Variants in ROCK2 observed in about 807,000 individuals in gnomAD.
ROCK2 encodes Rho associated coiled-coil containing protein kinase 2.
ROCK2 carries 61 observed loss-of-function variants against 195.1 expected under a neutral mutation model. The observed-to-expected ratio is 0.31, with a 90% confidence interval of 0.25 to 0.39. The LOEUF (loss-of-function observed/expected upper bound fraction) is 0.39, where lower values mean the gene tolerates loss of function less well. Ranked by LOEUF, ROCK2 falls within the 10% of genes least tolerant of loss-of-function variation. The pLI is 1.00. For synonymous variants in ROCK2, 504 were observed against 545.5 expected (o/e 0.92, Z 1.06); for missense variants, 1,109 against 1,637.4 (o/e 0.68, Z 5.57).
At chr2:11,331,508 TAA>T (rs2148267099) in intron 1 of ROCK2, among the ~76,000 whole-genome samples, 2 of 151,994 alleles carry the variant, frequency 1.3e-5, no homozygotes, top group South Asian at 4.2e-4. Context: ...GGGAAAGAAA[TAA>T]GTTTATAAGC....
Position 11,211,726 on chromosome 2 carries a change from T to C in ROCK2, c.2158A>G (p.Lys720Glu). The C allele has an allele frequency of 6.2e-7, 1 of 1,613,466 alleles. No individual in the cohort carries two copies. The highest frequency in any genetic ancestry group is 1.3e-5 in the African/African-American group (1 of 75,024). ...ATKARLADKN[K>E]IYESIEEAKS... ...GCTTCTTCGATGGACTCATAGATCT[T>C]ATTTTTATCTGCTAGTCGTGCCTTT... The change falls in exon 18 of 33, where the codon AAG (lysine) becomes GAG (glutamate). Residue 720 changes from lysine to glutamate, a missense_variant. Physicochemically the swap from Lys to Glu is moderately conservative, Grantham distance 56. Around this residue, in one of 6 missense-constraint regions of ROCK2, gnomAD observed 542 missense variants for 672.0 expected, o/e 0.81. Coordinates refer to ENST00000315872, the MANE Select transcript of ROCK2 (RefSeq NM_004850.5).
At position 11,221,947 on chromosome 2, in the gene ROCK2, AT is replaced by A. The variant is rs1664653061; in HGVS notation, c.1099+135del. On this transcript the variant is annotated intron_variant, in intron 8 of 32. Transcript: ENST00000315872. ...TGTTATAAATATTGCCACAGAACAAATTTGAAATGAAATTTCTCAATTTAAA... is the reference window on the plus strand; with the variant it reads ...TGTTATAAATATTGCCACAGAACAAATTGAAATGAAATTTCTCAATTTAAA... 14 of 564,588 alleles carry A rather than the reference AT, an allele frequency of 2.5e-5. No homozygotes were observed. In the South Asian group the frequency reaches 4.0e-4, roughly 16 times the overall value. 35.0% of individuals were successfully genotyped at this position (564,588 alleles called of 1,614,324 possible). A position where few individuals can be genotyped will look rare whatever the true frequency, so the allele number is the denominator to read the frequency against.
chr2:11,334,855 T>C (rs1668875903), intron 1 of ROCK2, among the ~76,000 whole-genome samples: 1 of 150,618 alleles, frequency 6.6e-6, no homozygotes, highest in Non-Finnish European at 1.5e-5. Context: ...AAAATGTCTA[T>C]CACTTGCTTT....
At position 11,215,073 on chromosome 2, in the gene ROCK2, T is replaced by C. The variant is rs1027383462; in HGVS notation, c.1703A>G (p.Asn568Ser). The change falls in exon 16 of 33, where the codon AAT becomes AGT. Residue 568 changes from asparagine to serine, a missense_variant. Coordinates refer to ENST00000315872, the MANE Select transcript of ROCK2 (RefSeq NM_004850.5). ...NQLQRQLDET[N>S]ALLRTESDTA... The stretch of plus-strand genomic sequence containing the variant: ...ATCAGACTCTGTTCGCAGTAAAGCA[T>C]TGGTTTCATCCAGCTGTTATTCCAT... The C allele has an allele frequency of 9.3e-6, 15 of 1,614,022 alleles. No individual in the cohort carries two copies. Among genetic ancestry groups the C allele is most frequent in the Middle Eastern group, 1.6e-4 (1 of 6,084 alleles).
chr2:11,272,869 CAAAA>C (rs34327134), intron 3 of ROCK2, among the ~76,000 whole-genome samples: 1 of 99,250 alleles, frequency 1.0e-5, no homozygotes, highest in Admixed American at 1.1e-4. Flanking sequence ...GACTCTGTCT[CAAAA>C]AAAAAAAAAA....
intron 25 of ROCK2, among the ~76,000 whole-genome samples, chr2:11,198,021 A>G (rs1008819952): frequency 1.1e-4 from 17 of 152,340 alleles, no homozygotes; most frequent in African/African-American, 3.8e-4. Flanking sequence ...TAATAGGCAG[A>G]CCTTTCTTCT....
chr2:11,208,970 A>C lies in ROCK2; in HGVS notation c.2204-523T>G, dbSNP rs182221839. Among the ~76,000 whole-genome samples the C allele has an allele frequency of 2.6e-5, 4 of 152,238 alleles. No individual in the cohort carries two copies. The East Asian group carries it at 7.7e-4, about 29-fold the overall frequency. ...TTCACAGGGTGTAAAAATGTATCAC[A>C]CTCTGCAATATTACATCTATTCTAA... On this transcript the variant is annotated intron_variant, in intron 18 of 32. Transcript: ENST00000315872.
rs923930866 is a variant in ROCK2 at position 11,192,078 on chromosome 2, A to G, written c.4163+70T>C. On this transcript the variant is annotated intron_variant, in intron 32 of 32. Transcript: ENST00000315872. This position sits in a 1 kb window ranked among gnomAD's most constrained non-coding sequence, Gnocchi z 5.0. ...AGGAAAACTAATTAGGAAAATTTGT[A>G]GTTTGAACATAAATAGCAAAATATT... 9.1e-7 allele frequency: 1 copy of G among 1,104,458 alleles called. No homozygotes were observed. Among genetic ancestry groups the G allele is most frequent in the Non-Finnish European group, 1.3e-6 (1 of 761,488 alleles). The allele number at this position is 1,104,458 out of a possible 1,614,324, so 68.4% of individuals were successfully genotyped here. A position where few individuals can be genotyped will look rare whatever the true frequency, so the allele number is the denominator to read the frequency against.
chr2:11,308,080 G>A (rs1240399934), intron 1 of ROCK2: 9 of 1,608,964 alleles, frequency 5.6e-6, no homozygotes, highest in Non-Finnish European at 7.6e-6. Context: ...TTTAGGAGAG[G>A]CGCCGACTGC....
At chr2:11,241,073 C>T (rs975075549) in intron 4 of ROCK2, among the ~76,000 whole-genome samples, 2 of 151,966 alleles carry the variant, frequency 1.3e-5, no homozygotes, top group African/African-American at 4.8e-5. Context: ...ACCTGAATGT[C>T]CATTAATAGA....
Position 11,221,305 on chromosome 2 carries a change from G to A in ROCK2, c.1152C>T (p.Phe384=), listed in dbSNP as rs187386683. The A allele has an allele frequency of 1.2e-5, 19 of 1,591,574 alleles. No individual in the cohort carries two copies. The highest frequency in any genetic ancestry group is 5.9e-5 in the South Asian group (5 of 84,776). Residue 384 remains phenylalanine, a synonymous_variant, in exon 9 of 33, where the codon TTC becomes TTT. Transcript: ENST00000315872. ...CTCCTTTGTCATCTTCAATGTCATC[G>A]AAATTGCTGCTGTCTATGTCACTGC... ...ELSSDIDSSN[F]DDIEDDKGDV...
At chr2:11,246,249 A>G (rs972795442) in intron 4 of ROCK2, among the ~76,000 whole-genome samples, 1 of 152,204 alleles carries the variant, frequency 6.6e-6, no homozygotes, top group Non-Finnish European at 1.5e-5. Context: ...CAAAAATACA[A>G]GTGAGAGAGA....
intron 1 of ROCK2, among the ~76,000 whole-genome samples, chr2:11,310,878 T>C (rs143882285): frequency 3.9e-5 from 6 of 152,106 alleles, no homozygotes; most frequent in Non-Finnish European, 8.8e-5. Context: ...TCATCTACTC[T>C]TATTCTTGTA....
rs1045584044 is a variant in ROCK2 at position 11,181,472 on chromosome 2, G to A, written c.*1965C>T. ...CAGAGTGCAGACTGGAGAACGTTAA[G>A]AATAACAAAACCAGTTTCAGTCTAT... On this transcript the variant is annotated 3_prime_UTR_variant, in exon 33 of 33. Transcript: ENST00000315872. 3.3e-5 allele frequency: 5 copies of A among 151,850 alleles called. No homozygotes were observed. The highest frequency in any genetic ancestry group is 7.4e-5 in the Non-Finnish European group (5 of 67,994). The allele number at this position is 151,850 out of a possible 1,614,324, so 9.4% of individuals were successfully genotyped here.
intron 1 of ROCK2, among the ~76,000 whole-genome samples, chr2:11,328,926 G>C (rs1312065373): frequency 7.2e-6 from 1 of 138,708 alleles, no homozygotes; most frequent in Non-Finnish European, 1.6e-5. Context: ...GTGGGGTGAG[G>C]GGAGGGGGGA....
At chr2:11,236,063 A>ATAGT in intron 4 of ROCK2, 101 bp from the exon 5 acceptor site, 1 of 1,101,698 alleles carries the variant, frequency 9.1e-7, no homozygotes, top group South Asian at 2.4e-5. Flanking sequence ...GAAAAAGGCA[A>ATAGT]ACTATTTTAT....
chr2:11,188,103 A>ATTTTTT (rs747304783), intron 32 of ROCK2, among the ~76,000 whole-genome samples: 123 of 112,630 alleles, frequency 1.1e-3, no homozygotes, highest in Non-Finnish European at 1.3e-3. Flanking sequence ...CTGGTATATA[A>ATTTTTT]TTTTTTTTTT....
At chr2:11,184,770 C>A (rs1259980935) in intron 32 of ROCK2, 9 of 983,662 alleles carry the variant, frequency 9.1e-6, no homozygotes, top group South Asian at 4.7e-5. Context: ...ATCAAGCAAT[C>A]TGCAATAGGA....
chr2:11,272,274 G>GT (rs1327448333), intron 3 of ROCK2, among the ~76,000 whole-genome samples: 2 of 152,148 alleles, frequency 1.3e-5, no homozygotes, highest in Non-Finnish European at 2.9e-5. Flanking sequence ...TGTTTAAACA[G>GT]TAAGTTGAAG....
Sources: allele counts gnomAD v4.1 joint callset (sites outside exome capture counted in the v4.1 genomes callset), GRCh38; gene constraint gnomAD v4.1.1; regional missense constraint gnomAD v4.1.1; non-coding constraint Gnocchi (gnomAD v3.1); transcripts MANE v1.5; gene names NCBI Gene and HGNC (gene_info 2026-07-23, HGNC 2026-07-21).